ACYP1: variants seen among roughly 807,000 people sequenced by gnomAD.
ACYP1 encodes the protein acylphosphatase 1.
ACYP1 carries 8 observed loss-of-function variants against 10.4 expected under a neutral mutation model. The ratio of observed to expected loss-of-function variants is 0.77; its 90% CI spans 0.45 to 1.38. ACYP1 has a LOEUF of 1.38. Among genes scored for constraint, ACYP1 ranks in the 40% most tolerant of loss-of-function variants. ACYP1 has a pLI of 0.00. For missense variants in ACYP1, 93 were observed against 117.3 expected, an observed-to-expected ratio of 0.79 and a Z score of 0.96; for synonymous variants, 38 against 40.8, an observed-to-expected ratio of 0.93 and a Z score of 0.26.
chr14:75,059,846 G>A (rs116291643), intron 2 of ACYP1: 1,638 of 161,544 alleles, frequency 0.01, 27 homozygotes, highest in African/African-American at 0.038. Flanking sequence ...TATGCTAAGT[G>A]AAATAAGCCA....
chr14:75,066,386 G>T (rs1443994324), upstream of ACYP1, among the ~76,000 whole-genome samples: 2 of 151,774 alleles, frequency 1.3e-5, no homozygotes, highest in African/African-American at 4.8e-5. Context: ...ATAAAGCTGG[G>T]GGGGGGTGGA....
chr14:75,060,166 A>AT (rs2139653636), intron 2 of ACYP1: 1 of 626,152 alleles, frequency 1.6e-6, no homozygotes, highest in Non-Finnish European at 2.9e-6. Flanking sequence ...ATATTTTGGG[A>AT]TTTTCCAGTT....
chr14:75,053,674 AAGAG>A lies in ACYP1; in HGVS notation c.85-19_85-16del, dbSNP rs751558712. ...TTACCCTCAGCCTAAGGGGGGTAAA[AAGAG>A]AGAGAGATCCAGTGAGATTGAAGAA... On this transcript the variant is annotated splice_polypyrimidine_tract_variant and intron_variant, in intron 2 of 2. Transcript: ENST00000238618. 6.2e-7 allele frequency: 1 copy of A among 1,609,292 alleles called. No individual in the cohort carries two copies. The highest frequency in any genetic ancestry group is 8.5e-7 in the Non-Finnish European group (1 of 1,175,760).
chr14:75,069,069 C>T, intron 1 of ACYP1: 6 of 854,182 alleles, frequency 7.0e-6, no homozygotes, highest in East Asian at 3.1e-5. Flanking sequence ...AGAATTACCA[C>T]GTGAGTAAAA....
rs1161426770 is a variant in ACYP1 at position 75,056,047 on chromosome 14, A to G, written c.85-2388T>C. 1.3e-5 allele frequency among the ~76,000 whole-genome samples: 2 copies of G among 151,522 alleles called. 1 individual carries two copies. Among genetic ancestry groups the G allele is most frequent in the African/African-American group, 4.9e-5 (2 of 40,922 alleles). On this transcript the variant is annotated intron_variant, in intron 2 of 2. Transcript: ENST00000238618. ...ATGAAAACAAACCTAATACCTAGAA[A>G]GACAAACAACCAAAACTGAATCAAG...
At chr14:75,054,931 G>A (rs1169670802) in intron 2 of ACYP1, among the ~76,000 whole-genome samples, 5 of 151,396 alleles carry the variant, frequency 3.3e-5, no homozygotes. Flanking sequence ...GCCCTCTTCT[G>A]CTTCAAATTA....
rs750683488 is a variant in ACYP1 at position 75,063,942 on chromosome 14, C to A, written c.-9+12G>T. 4.0e-6 allele frequency: 4 copies of A among 1,000,842 alleles called. No individual in the cohort carries two copies. Among genetic ancestry groups the A allele is most frequent in the Non-Finnish European group, 4.8e-6 (4 of 838,586 alleles). 62.0% of individuals were successfully genotyped at this position (1,000,842 alleles called of 1,614,324 possible). A position where few individuals can be genotyped will look rare whatever the true frequency, so the allele number is the denominator to read the frequency against. On this transcript the variant is annotated intron_variant, in intron 1 of 2. Transcript: ENST00000238618. ...CCTGAGAAGCACACCCTGGGGGCCC[C>A]TGGCGGCTCACCCTCCTTGTCTTCC...
At chr14:75,069,356 C>G in exon 1 of ACYP1, 1 of 1,265,648 alleles carries the variant, frequency 7.9e-7, no homozygotes, top group Non-Finnish European at 1.0e-6. Flanking sequence ...AGGGCACACC[C>G]CAAGGTCTGG....
chr14:75,062,025 C>T (rs772708925), intron 2 of ACYP1, among the ~76,000 whole-genome samples: 78 of 139,548 alleles, frequency 5.6e-4, no homozygotes, highest in Non-Finnish European at 4.2e-4. Flanking sequence ...CGCTTGAACC[C>T]GGGAGGCGGA....
exon 1 of ACYP1, chr14:75,069,402 G>T: frequency 3.4e-6 from 3 of 876,348 alleles, no homozygotes; most frequent in Non-Finnish European, 4.9e-6. Context: ...GTTCTTCTTT[G>T]AAGGAGCTCC....
chr14:75,057,693 G>A (rs977638472), intron 2 of ACYP1, among the ~76,000 whole-genome samples: 2 of 151,258 alleles, frequency 1.3e-5, no homozygotes, highest in African/African-American at 4.9e-5. Flanking sequence ...TGAGGACCAG[G>A]CGTGGTAGCT....
rs1892780599 is a variant in ACYP1, at chr14:75,053,254, C to T, written c.*190G>A. 1.2e-5 allele frequency: 7 copies of T among 602,274 alleles called. No individual in the cohort carries two copies. Among genetic ancestry groups the T allele is most frequent in the South Asian group, 6.2e-5 (3 of 48,602 alleles). The allele number at this position is 602,274 out of a possible 1,614,324, so 37.3% of individuals were successfully genotyped here. A position where few individuals can be genotyped will look rare whatever the true frequency, so the allele number is the denominator to read the frequency against. ...AAGTACTCTAAGCAGAAGGTTCTAACGTTTTTATTGATTAGATTTGTGTAC... is the reference window on the plus strand; with the variant it reads ...AAGTACTCTAAGCAGAAGGTTCTAATGTTTTTATTGATTAGATTTGTGTAC... On this transcript the variant is annotated 3_prime_UTR_variant, in exon 3 of 3. Transcript: ENST00000238618.
At chr14:75,069,371 G>A (rs1033717928) in exon 1 of ACYP1, 1 of 1,122,890 alleles carries the variant, frequency 8.9e-7, no homozygotes, top group Non-Finnish European at 1.2e-6. Context: ...GTCTGGGAGC[G>A]TCGTTCTCAG....
intron 2 of ACYP1, chr14:75,059,959 G>A (rs1892976855): frequency 3.7e-6 from 1 of 267,780 alleles, no homozygotes; most frequent in Admixed American, 5.3e-5. Flanking sequence ...ATGGGGGAAG[G>A]AGAAAATGGG....
At chr14:75,066,683 C>T (rs1893147629), upstream of ACYP1, among the ~76,000 whole-genome samples, 1 of 152,090 alleles carries the variant, frequency 6.6e-6, no homozygotes, top group South Asian at 2.1e-4. Context: ...GAAACCCCAT[C>T]TCTACTAAAA....
upstream of ACYP1, among the ~76,000 whole-genome samples, chr14:75,068,302 CAAA>C (rs1594799379): frequency 2.0e-5 from 3 of 151,748 alleles, no homozygotes; most frequent in East Asian, 3.9e-4. Context: ...TCTCAAAAAA[CAAA>C]AAACAAACAA....
rs536787287 is a variant in ACYP1 at position 75,053,574 on chromosome 14, G to A, written c.170C>T (p.Ser57Phe). 3 of 1,614,158 alleles carry A rather than the reference G, an allele frequency of 1.9e-6. No individual in the cohort carries two copies. In the South Asian group the frequency reaches 3.3e-5, roughly 18 times the overall value. The change falls in exon 3 of 3, where the codon TCC (serine) becomes TTC (phenylalanine). Residue 57 changes from serine to phenylalanine, a missense_variant. Physicochemically the swap from Ser to Phe is radical, Grantham distance 155. Transcript: ENST00000238618. ...TVQGQLQGPI[S>F]KVRHMQEWLE... Reference sequence around the variant, plus strand: ...CCATTCCTGCATATGACGCACCTTGGAGATGGGACCTTGCAATTGTCCTTG... The same window carrying A: ...CCATTCCTGCATATGACGCACCTTGAAGATGGGACCTTGCAATTGTCCTTG...
intron 2 of ACYP1, among the ~76,000 whole-genome samples, chr14:75,058,332 C>T (rs1032677674): frequency 1.3e-5 from 2 of 151,204 alleles, no homozygotes; most frequent in Admixed American, 1.3e-4. Flanking sequence ...GCCTGTAATC[C>T]CAGCCACTTG....
rs181033206 is a variant in ACYP1 at position 75,058,219 on chromosome 14, C to T, written c.85-4560G>A. ...ATCCCAGCACTTTGGGAGGCTGAGG[C>T]GGGCGGATCACCTGAGGTCAGGAGT... On this transcript the variant is annotated intron_variant, in intron 2 of 2. Coordinates refer to ENST00000238618, the MANE Select transcript of ACYP1 (RefSeq NM_001107.5). Among the ~76,000 whole-genome samples, 172 of 150,494 alleles carry T rather than the reference C, an allele frequency of 1.1e-3. 4 individuals carry two copies. The East Asian group carries it at 0.032, about 28-fold the overall frequency.
Sources: gnomAD v4.1 joint callset for allele counts (sites outside exome capture counted in the v4.1 genomes callset) on GRCh38, gnomAD v4.1.1 for gene constraint, MANE v1.5 for transcripts, NCBI Gene and HGNC (gene_info 2026-07-23, HGNC 2026-07-21) for gene names.